Variants in NTRK3 observed in about 807,000 individuals in gnomAD.
The protein encoded by NTRK3 is neurotrophic receptor tyrosine kinase 3.
A neutral mutation model predicts 91.7 loss-of-function variants in NTRK3; 24 were observed. The ratio of observed to expected loss-of-function variants is 0.26; its 90% CI spans 0.19 to 0.37. The LOEUF (loss-of-function observed/expected upper bound fraction) is 0.37. NTRK3 is among the 10% of genes least tolerant of loss of function. The pLI, the probability that NTRK3 is intolerant of heterozygous loss-of-function variation, is 1.00. For synonymous variants in NTRK3, 483 were observed against 404.0 expected (o/e 1.20, Z -2.34); for missense variants, 880 against 1,068.9 (o/e 0.82, Z 2.46).
In NTRK3 at chr15:88,255,783, G is replaced by A. The variant is rs2053984979; in HGVS notation, c.248+123C>T. 1.3e-5 allele frequency: 10 copies of A among 762,772 alleles called. No homozygotes were observed. In the East Asian group the frequency reaches 3.9e-4, roughly 29 times the overall value. 47.3% of individuals were successfully genotyped at this position (762,772 alleles called of 1,614,324 possible). On this transcript the variant is annotated intron_variant, in intron 3 of 18. Coordinates refer to ENST00000394480, the Ensembl canonical transcript of NTRK3. The surrounding 1 kb of genome is among the most constrained non-coding windows in gnomAD (Gnocchi z 4.3). ...CCGAGCCAGAGCGAGCCTGACGCGC[G>A]CCCAGCGGGCGGCGGGCAGCGGCGA...
intron 5 of NTRK3, among the ~76,000 whole-genome samples, chr15:88,154,380 C>T (rs1247798080): frequency 1.3e-5 from 2 of 152,192 alleles, no homozygotes; most frequent in Non-Finnish European, 1.5e-5. Context: ...CCAAGGAGGG[C>T]CCATGAGCCA....
At chr15:88,082,331 C>A (rs2048125720) in intron 13 of NTRK3, among the ~76,000 whole-genome samples, 1 of 151,240 alleles carries the variant, frequency 6.6e-6, no homozygotes, top group African/African-American at 2.4e-5. Flanking sequence ...CAGACTTCAG[C>A]AGCGGGGAAG....
At chr15:88,010,702 C>T (rs2076817476) in intron 14 of NTRK3, among the ~76,000 whole-genome samples, 1 of 151,918 alleles carries the variant, frequency 6.6e-6, no homozygotes, top group South Asian at 2.1e-4. Flanking sequence ...ACAGAACTTG[C>T]TAAATGTATT....
At chr15:87,864,010 C>CAT (rs2064596993) in exon 19 of NTRK3, 1 of 232,282 alleles carries the variant, frequency 4.3e-6, no homozygotes, top group East Asian at 6.0e-5. Flanking sequence ...CACACACACA[C>CAT]ACACACACAC....
At chr15:87,980,418 T>C (rs570385550) in intron 14 of NTRK3, among the ~76,000 whole-genome samples, 1 of 152,338 alleles carries the variant, frequency 6.6e-6, no homozygotes, top group South Asian at 2.1e-4. Context: ...TGTGTGTTTG[T>C]GTGCATCTGT....
At chr15:87,998,849 A>T (rs1033763528) in intron 14 of NTRK3, among the ~76,000 whole-genome samples, 2 of 150,948 alleles carry the variant, frequency 1.3e-5, no homozygotes, top group East Asian at 3.9e-4. Flanking sequence ...TTACTGCCTC[A>T]CATGATGAAG....
chr15:87,937,056 T>G (rs1354832107), intron 15 of NTRK3, among the ~76,000 whole-genome samples: 1 of 152,216 alleles, frequency 6.6e-6, no homozygotes, highest in South Asian at 2.1e-4. Context: ...CCAGGGCCTT[T>G]GCTCCTCCTT....
chr15:88,238,970 C>T (rs1049683315), intron 3 of NTRK3, among the ~76,000 whole-genome samples: 26 of 152,228 alleles, frequency 1.7e-4, no homozygotes, highest in Non-Finnish European at 2.1e-4. Context: ...ATCTGTCAGA[C>T]GAGAGCAGTT....
chr15:88,007,791 T>C (rs544843319), intron 14 of NTRK3, among the ~76,000 whole-genome samples: 2 of 152,330 alleles, frequency 1.3e-5, no homozygotes, highest in South Asian at 4.1e-4. Flanking sequence ...AAACCAGCTG[T>C]GTTTCTTGGG....
chr15:88,073,954 G>C (rs2047318286), intron 13 of NTRK3, among the ~76,000 whole-genome samples: 1 of 152,132 alleles, frequency 6.6e-6, no homozygotes, highest in African/African-American at 2.4e-5. Context: ...GAAGCAACCA[G>C]GCAGGAAGAT....
intron 14 of NTRK3, among the ~76,000 whole-genome samples, chr15:88,031,389 C>T (rs1450130825): frequency 6.6e-6 from 1 of 152,164 alleles, no homozygotes; most frequent in Non-Finnish European, 1.5e-5. Context: ...TGAGCTTGGA[C>T]CCAGCTATCA....
At chr15:87,882,118 A>G (rs2065289566) in intron 17 of NTRK3, among the ~76,000 whole-genome samples, 1 of 151,358 alleles carries the variant, frequency 6.6e-6, no homozygotes, top group African/African-American at 2.4e-5. Flanking sequence ...CTGGTCTCAA[A>G]CTCCTGACCA....
At chr15:88,106,050 T>A (rs997593504) in intron 13 of NTRK3, among the ~76,000 whole-genome samples, 1 of 152,238 alleles carries the variant, frequency 6.6e-6, no homozygotes, top group Admixed American at 6.5e-5. Context: ...TGTGTATGTG[T>A]GCGTATGTTC....
chr15:88,148,111 T>C (rs1276085370), intron 5 of NTRK3, among the ~76,000 whole-genome samples: 1 of 152,192 alleles, frequency 6.6e-6, no homozygotes, highest in Non-Finnish European at 1.5e-5. Context: ...AATGTACTCA[T>C]CTACTGATGG....
At chr15:88,004,399 T>A (rs923047107) in intron 14 of NTRK3, among the ~76,000 whole-genome samples, 1 of 152,276 alleles carries the variant, frequency 6.6e-6, no homozygotes, top group East Asian at 1.9e-4. Context: ...TAAACTCTCA[T>A]GTGGGCAAGA....
intron 14 of NTRK3, among the ~76,000 whole-genome samples, chr15:87,950,466 A>G (rs2071000101): frequency 6.6e-6 from 1 of 152,210 alleles, no homozygotes; most frequent in Admixed American, 6.5e-5. Flanking sequence ...AACAGACACG[A>G]AGAAAAGAAG....
rs1284406721 is a variant in NTRK3 at position 88,255,104 on chromosome 15, C to A, written c.248+802G>T. On this transcript the variant is annotated intron_variant, in intron 3 of 18. Transcript: ENST00000394480. The surrounding 1 kb of genome is among the most constrained non-coding windows in gnomAD (Gnocchi z 4.3). ...TTCCAAATGAACCGATCCGCACGAT[C>A]ACACAAGAAACCCCTCTCCTCAAAA... 2.6e-5 allele frequency among the ~76,000 whole-genome samples: 4 copies of A among 152,200 alleles called. No homozygotes were observed. Among genetic ancestry groups the A allele is most frequent in the African/African-American group, 9.6e-5 (4 of 41,458 alleles).
intron 13 of NTRK3, among the ~76,000 whole-genome samples, chr15:88,109,844 T>C (rs900003541): frequency 1.4e-4 from 21 of 152,300 alleles, no homozygotes; most frequent in African/African-American, 5.1e-4. Flanking sequence ...ACAGCCATAA[T>C]GGGACCTGCA....
chr15:87,939,266 C>T (rs762446297), intron 15 of NTRK3, among the ~76,000 whole-genome samples: 18 of 152,190 alleles, frequency 1.2e-4, no homozygotes, highest in Middle Eastern at 6.8e-3. Flanking sequence ...TTTATTGAGT[C>T]TTTACTCAAT....
Sources: allele counts gnomAD v4.1 joint callset (sites outside exome capture counted in the v4.1 genomes callset), GRCh38; gene constraint gnomAD v4.1.1; non-coding constraint Gnocchi (gnomAD v3.1); transcripts MANE v1.5; gene names NCBI Gene and HGNC (gene_info 2026-07-23, HGNC 2026-07-21).